ELAVL2: variants seen among roughly 807,000 people sequenced by gnomAD.
The protein encoded by ELAVL2 is ELAV-like protein 2.
In ELAVL2, 4 loss-of-function variants were observed where a neutral mutation model predicts 34.6. The observed-to-expected ratio is 0.12, with a 90% CI of 0.06 to 0.26. The LOEUF (loss-of-function observed/expected upper bound fraction) is 0.26, where lower values mean the gene tolerates loss of function less well. ELAVL2 is among the 10% of genes least tolerant of loss of function. The pLI is 1.00. For missense variants in ELAVL2, 432 were observed against 442.8 expected (o/e 0.98, Z 0.22); for synonymous variants, 193 against 154.8 (o/e 1.25, Z -1.83).
At chr9:23,699,851 T>A (rs992568147) in intron 5 of ELAVL2, among the ~76,000 whole-genome samples, 4 of 126,682 alleles carry the variant, frequency 3.2e-5, no homozygotes, top group Non-Finnish European at 6.4e-5. Flanking sequence ...TTTTTTTTTT[T>A]TAATACCAAT....
intron 3 of ELAVL2, among the ~76,000 whole-genome samples, chr9:23,723,054 G>A (rs989342096): frequency 4.6e-5 from 7 of 152,172 alleles, no homozygotes; most frequent in Non-Finnish European, 7.3e-5. Flanking sequence ...GGCTAGCAGT[G>A]TGATGTTCAG....
chr9:23,753,958 A>G (rs1446117526), intron 2 of ELAVL2, among the ~76,000 whole-genome samples: 4 of 152,210 alleles, frequency 2.6e-5, no homozygotes, highest in Admixed American at 6.5e-5. Context: ...ACTGAAGACT[A>G]TTCCTAATCT....
intron 2 of ELAVL2, among the ~76,000 whole-genome samples, chr9:23,731,835 A>C (rs1447771470): frequency 1.3e-5 from 2 of 152,136 alleles, no homozygotes; most frequent in East Asian, 1.9e-4. Flanking sequence ...AGGAGAAAAA[A>C]AGTCTAGAGT....
intron 3 of ELAVL2, 75 bp from the exon 4 acceptor site, chr9:23,705,146 C>T (rs2038888425): frequency 6.4e-7 from 1 of 1,557,078 alleles, no homozygotes; most frequent in Non-Finnish European, 8.7e-7. Flanking sequence ...CAAAAACTGC[C>T]TCGGTAACTT....
chr9:23,762,754 G>A (rs2136046721), intron 1 of ELAVL2, among the ~76,000 whole-genome samples: 1 of 152,162 alleles, frequency 6.6e-6, no homozygotes, highest in South Asian at 2.1e-4. Context: ...AAGAGCAAGA[G>A]TACTTTTAAA....
chr9:23,772,534 C>CAAAAAA (rs11450267), intron 1 of ELAVL2, among the ~76,000 whole-genome samples: 17 of 67,644 alleles, frequency 2.5e-4, no homozygotes, highest in African/African-American at 3.6e-4. Flanking sequence ...CAGCTTACAC[C>CAAAAAA]AAAAAAAAAA....
chr9:23,786,960 T>A (rs527809653), intron 1 of ELAVL2, among the ~76,000 whole-genome samples: 73 of 152,254 alleles, frequency 4.8e-4, no homozygotes, highest in Admixed American at 1.6e-3. Context: ...TTGCAAAAGA[T>A]AAAAGGTACA....
At chr9:23,715,309 C>G (rs550284647) in intron 3 of ELAVL2, among the ~76,000 whole-genome samples, 1 of 152,112 alleles carries the variant, frequency 6.6e-6, no homozygotes, top group Non-Finnish European at 1.5e-5. Context: ...CCACCACGCC[C>G]GGCTAATTTT....
intron 2 of ELAVL2, among the ~76,000 whole-genome samples, chr9:23,759,743 CATATATAGTATTATATATATATATATAT>C (rs1265365356): frequency 1.2e-5 from 1 of 80,454 alleles, no homozygotes; most frequent in African/African-American, 5.4e-5. Flanking sequence ...GTGTATACAT[CATATATAGTATTATATATATATATATAT>C]ATATATATAT....
intron 2 of ELAVL2, among the ~76,000 whole-genome samples, chr9:23,751,525 T>C (rs551307863): frequency 3.9e-5 from 6 of 152,300 alleles, no homozygotes; most frequent in Admixed American, 1.3e-4. Flanking sequence ...GCAGGAATAT[T>C]AGGTTTTTGA....
chr9:23,781,361 A>G (rs1365415243), intron 1 of ELAVL2, among the ~76,000 whole-genome samples: 1 of 151,734 alleles, frequency 6.6e-6, no homozygotes, highest in African/African-American at 2.4e-5. Flanking sequence ...AAACACACAC[A>G]CTCCAGGCTT....
At chr9:23,803,987 T>C (rs2061892554) in intron 1 of ELAVL2, among the ~76,000 whole-genome samples, 1 of 152,126 alleles carries the variant, frequency 6.6e-6, no homozygotes, top group African/African-American at 2.4e-5. Context: ...AGGCACTGAA[T>C]GCTAACAAAC....
chr9:23,785,170 T>G (rs1446073485), intron 1 of ELAVL2, among the ~76,000 whole-genome samples: 1 of 152,154 alleles, frequency 6.6e-6, no homozygotes, highest in Non-Finnish European at 1.5e-5. Flanking sequence ...GAAGTACATA[T>G]ATCAAGGAAC....
chr9:23,758,930 A>C (rs2054223016), intron 2 of ELAVL2, among the ~76,000 whole-genome samples: 1 of 152,108 alleles, frequency 6.6e-6, no homozygotes, highest in Non-Finnish European at 1.5e-5. Flanking sequence ...TGAAGGTTGA[A>C]AAACATCTTT....
chr9:23,771,288 T>G (rs2057261779), intron 1 of ELAVL2, among the ~76,000 whole-genome samples: 2 of 152,180 alleles, frequency 1.3e-5, no homozygotes, highest in South Asian at 4.1e-4. Flanking sequence ...AAAAAACTGG[T>G]TTAGATACTA....
At chr9:23,779,365 G>C (rs1286512034) in intron 1 of ELAVL2, 1 of 985,318 alleles carries the variant, frequency 1.0e-6, no homozygotes, top group Non-Finnish European at 1.2e-6. Flanking sequence ...TCAAAGGCAA[G>C]GGAAGAAAGC....
chr9:23,782,675 A>T (rs1455388098), intron 1 of ELAVL2, among the ~76,000 whole-genome samples: 1 of 152,234 alleles, frequency 6.6e-6, no homozygotes, highest in African/African-American at 2.4e-5. Flanking sequence ...ATTTAGCCTG[A>T]AGACAATTAG....
At position 23,692,160 on chromosome 9, in the gene ELAVL2, AGGG is replaced by A. The variant is rs911220238; in HGVS notation, c.*394_*396del. ...AAAGCTAATCAGAAAAAGGAAAAAA[AGGG>A]GGGAAAAAAAAGACACAACCAACTG... On this transcript the variant is annotated 3_prime_UTR_variant, in exon 7 of 7. Transcript: ENST00000397312. The A allele has an allele frequency of 6.1e-6, 1 of 164,090 alleles. No individual in the cohort carries two copies. The highest frequency in any genetic ancestry group is 1.8e-4 in the South Asian group (1 of 5,566). 10.2% of individuals were successfully genotyped at this position (164,090 alleles called of 1,614,324 possible).
chr9:23,697,811 T>C (rs977405429), intron 5 of ELAVL2, among the ~76,000 whole-genome samples: 4 of 151,888 alleles, frequency 2.6e-5, no homozygotes, highest in Admixed American at 6.6e-5. Context: ...GAAATAAAAA[T>C]AGGAAGATAA....
Sources: allele counts gnomAD v4.1 joint callset (sites outside exome capture counted in the v4.1 genomes callset), GRCh38; gene constraint gnomAD v4.1.1; transcripts MANE v1.5; gene names NCBI Gene and HGNC (gene_info 2026-07-23, HGNC 2026-07-21).